The following TAF4B variants were observed in gnomAD, a reference collection of about 807,000 sequenced individuals.
The protein encoded by TAF4B is transcription initiation factor TFIID subunit 4B.
In TAF4B, 38 loss-of-function variants were observed where a neutral mutation model predicts 86.4. The observed-to-expected ratio is 0.44, with a 90% CI of 0.34 to 0.58. The LOEUF is 0.58. TAF4B is among the 20% of genes least tolerant of loss of function. The pLI is 0.02. For missense variants in TAF4B, 988 were observed against 1,027.6 expected (o/e 0.96, Z 0.53); for synonymous variants, 388 against 391.2 (o/e 0.99, Z 0.10).
At chr18:26,229,158 G>C (rs2055623900) in intron 1 of TAF4B, among the ~76,000 whole-genome samples, 1 of 152,112 alleles carries the variant, frequency 6.6e-6, no homozygotes, top group Admixed American at 6.5e-5. Context: ...ACTGAAACTT[G>C]GCAGAGTTAA....
At chr18:26,274,277 T>C (rs1484201429) in intron 3 of TAF4B, among the ~76,000 whole-genome samples, 1 of 152,224 alleles carries the variant, frequency 6.6e-6, no homozygotes, top group Non-Finnish European at 1.5e-5. Context: ...TATGTTCTCA[T>C]AAAGACTTTC....
At chr18:26,328,634 G>A (rs981846370) in intron 12 of TAF4B, among the ~76,000 whole-genome samples, 2 of 151,486 alleles carry the variant, frequency 1.3e-5, no homozygotes. Context: ...TTATTTTTTT[G>A]TTTTTTGAGC....
intron 13 of TAF4B, among the ~76,000 whole-genome samples, chr18:26,344,146 CAGCTGAATG>C (rs1338335775): frequency 1.3e-5 from 2 of 152,148 alleles, no homozygotes; most frequent in East Asian, 1.9e-4. Context: ...AAAACACATT[CAGCTGAATG>C]AGCTGAATAG....
chr18:26,240,578 C>T (rs1456383259), intron 1 of TAF4B, among the ~76,000 whole-genome samples: 1 of 152,196 alleles, frequency 6.6e-6, no homozygotes, highest in East Asian at 1.9e-4. Flanking sequence ...CCCTTTCTTT[C>T]TTTCTCCTGC....
At chr18:26,347,220 C>T (rs368430637) in intron 13 of TAF4B, among the ~76,000 whole-genome samples, 3 of 151,846 alleles carry the variant, frequency 2.0e-5, no homozygotes, top group East Asian at 2.0e-4. Flanking sequence ...GCGCCCGGCC[C>T]AGCCAAGAAT....
chr18:26,316,934 T>C (rs191059283), intron 10 of TAF4B, among the ~76,000 whole-genome samples: 186 of 152,280 alleles, frequency 1.2e-3, no homozygotes, highest in African/African-American at 4.2e-3. Context: ...GGGAAATCTA[T>C]TGGTAGCTTA....
rs60517934 is a variant in TAF4B, at chr18:26,377,898, A to G, written c.2422-11947A>G. 6.1e-3 allele frequency among the ~76,000 whole-genome samples: 930 copies of G among 152,366 alleles called. 8 individuals are homozygous for G. Among genetic ancestry groups the G allele is most frequent in the African/African-American group, 0.021 (879 of 41,586 alleles). On this transcript the variant is annotated intron_variant, in intron 14 of 14. Transcript: ENST00000269142. ...ATCGTCCTACACTAGTATTACATGT[A>G]GCAAATAAAAGTATGTACATTTGTC...
chr18:26,277,376 G>A (rs574831036), intron 5 of TAF4B, among the ~76,000 whole-genome samples: 23 of 152,220 alleles, frequency 1.5e-4, no homozygotes, highest in African/African-American at 5.1e-4. Context: ...ATGAGCCACC[G>A]TGCCCAGCTT....
chr18:26,274,540 A>G (rs1052533880), intron 3 of TAF4B, 123 bp from the exon 4 acceptor site: 27 of 1,031,050 alleles, frequency 2.6e-5, no homozygotes, highest in Non-Finnish European at 3.8e-5. Flanking sequence ...ATTGCCTTAG[A>G]CTACTAGAGC....
chr18:26,347,001 A>G (rs1364654777), intron 13 of TAF4B, among the ~76,000 whole-genome samples: 1 of 143,430 alleles, frequency 7.0e-6, no homozygotes, highest in Non-Finnish European at 1.5e-5. Flanking sequence ...GCTCACTGCA[A>G]CCTCCGCCTC....
At chr18:26,387,106 C>T (rs1190285423) in intron 14 of TAF4B, among the ~76,000 whole-genome samples, 1 of 152,126 alleles carries the variant, frequency 6.6e-6, no homozygotes, top group Admixed American at 6.6e-5. Context: ...CACTCTGTCA[C>T]CCAGGCTGGA....
At chr18:26,273,767 A>G (rs986309323) in intron 3 of TAF4B, among the ~76,000 whole-genome samples, 1 of 152,114 alleles carries the variant, frequency 6.6e-6, no homozygotes, top group Non-Finnish European at 1.5e-5. Flanking sequence ...GGGAGATTTT[A>G]TTGTACATTC....
chr18:26,308,914 A>G (rs1164336923), intron 9 of TAF4B, among the ~76,000 whole-genome samples: 1 of 150,002 alleles, frequency 6.7e-6, no homozygotes, highest in African/African-American at 2.4e-5. Context: ...TTGATAATTG[A>G]ACTGAGAACA....
chr18:26,285,237 G>GTTTTTTTTTTTT lies in TAF4B; in HGVS notation c.973-645_973-644insTTTTTTTTTTTT, dbSNP rs1568127673. Among the ~76,000 whole-genome samples, 3 of 8,342 alleles carry GTTTTTTTTTTTT rather than the reference G, an allele frequency of 3.6e-4. No homozygotes were observed. In the Non-Finnish European group the frequency reaches 4.3e-3, roughly 12 times the overall value. 5.5% of individuals were successfully genotyped at this position (8,342 alleles called of 152,430 possible). On this transcript the variant is annotated intron_variant, in intron 6 of 14. Transcript: ENST00000269142. The stretch of plus-strand genomic sequence containing the variant: ...TTTTTTTTTTGTTTTTTTTTTTTTT[G>GTTTTTTTTTTTT]GAGATGGGGTCTTGCTCTGTCACCC...
intron 11 of TAF4B, among the ~76,000 whole-genome samples, chr18:26,321,662 A>T (rs1227530660): frequency 6.6e-6 from 1 of 151,982 alleles, no homozygotes; most frequent in East Asian, 1.9e-4. Flanking sequence ...ATGTATAGTA[A>T]AATTATTACT....
intron 11 of TAF4B, among the ~76,000 whole-genome samples, chr18:26,325,117 A>G (rs958287609): frequency 6.6e-6 from 1 of 152,236 alleles, no homozygotes; most frequent in Non-Finnish European, 1.5e-5. Flanking sequence ...ACTGAGATCT[A>G]AGTAAATAAG....
At chr18:26,244,061 A>G (rs2055884194) in intron 1 of TAF4B, among the ~76,000 whole-genome samples, 1 of 152,100 alleles carries the variant, frequency 6.6e-6, no homozygotes, top group Non-Finnish European at 1.5e-5. Context: ...AGTCTATCCA[A>G]TCTCAAACTC....
At chr18:26,255,143 C>T (rs1274740809) in intron 1 of TAF4B, among the ~76,000 whole-genome samples, 2 of 152,080 alleles carry the variant, frequency 1.3e-5, no homozygotes, top group African/African-American at 4.8e-5. Flanking sequence ...AATCCCATCT[C>T]TGTCCCCTGA....
intron 14 of TAF4B, among the ~76,000 whole-genome samples, chr18:26,368,842 C>T (rs2057388402): frequency 6.6e-6 from 1 of 151,998 alleles, no homozygotes; most frequent in South Asian, 2.1e-4. Flanking sequence ...TAAAGGTTGA[C>T]TCTTTGTCAG....
Sources: gnomAD v4.1 joint callset for allele counts (sites outside exome capture counted in the v4.1 genomes callset) on GRCh38, gnomAD v4.1.1 for gene constraint, MANE v1.5 for transcripts, NCBI Gene and HGNC (gene_info 2026-07-23, HGNC 2026-07-21) for gene names.